Variants in THNSL1 observed in about 807,000 individuals in gnomAD.
THNSL1 encodes threonine synthase-like 1.
THNSL1 carries 48 observed loss-of-function variants against 50.4 expected under a neutral mutation model. The ratio of observed to expected loss-of-function variants is 0.95; its 90% CI spans 0.76 to 1.21. The LOEUF is 1.21. Ranked by LOEUF, THNSL1 falls within the 50% of genes most tolerant of loss-of-function variation. THNSL1 has a pLI of 0.00. For synonymous variants in THNSL1, 309 were observed against 306.1 expected (o/e 1.01, Z -0.10); for missense variants, 896 against 871.7 (o/e 1.03, Z -0.35).
chr10:25,000,829 T>G, the THNSL1 span, among the ~76,000 whole-genome samples: 1 of 152,126 alleles, frequency 6.6e-6, no homozygotes, highest in Non-Finnish European at 1.5e-5. Flanking sequence ...TTTTTACATA[T>G]CCCCTTGCTC....
chr10:25,023,411 C>T lies in THNSL1; in HGVS notation c.188C>T (p.Pro63Leu), dbSNP rs1390783709. 9.9e-6 allele frequency: 16 copies of T among 1,614,142 alleles called. No individual in the cohort carries two copies. The South Asian group carries it at 1.6e-4, about 17-fold the overall frequency. ...VGDKNIILMGPPGAGKTTVGR... is the reference protein window; with the variant it reads ...VGDKNIILMGLPGAGKTTVGR... Reference sequence around the variant, plus strand: ...GACAAAAATATTATCCTGATGGGACCTCCTGGTGCTGGGAAAACAACAGTA... The same window carrying T: ...GACAAAAATATTATCCTGATGGGACTTCCTGGTGCTGGGAAAACAACAGTA... Residue 63 changes from proline to leucine, a missense_variant, in exon 3 of 3, where the codon CCT becomes CTT. Physicochemically the swap from Pro to Leu is moderately conservative, Grantham distance 98. Coordinates refer to ENST00000376356, the MANE Select transcript of THNSL1 (RefSeq NM_024838.5).
At chr10:24,990,405 C>G in the THNSL1 span, 1 of 1,552,910 alleles carries the variant, frequency 6.4e-7, no homozygotes, top group East Asian at 2.3e-5. Flanking sequence ...GATGGTACAC[C>G]TTTCTTTCAG....
chr10:25,013,081 T>G (rs1214392897), upstream of THNSL1, among the ~76,000 whole-genome samples: 1 of 152,148 alleles, frequency 6.6e-6, no homozygotes, highest in Admixed American at 6.5e-5. Flanking sequence ...CTGCACACAC[T>G]CTCTTTCCTG....
At chr10:24,989,585 C>T in the THNSL1 span, among the ~76,000 whole-genome samples, 2 of 152,276 alleles carry the variant, frequency 1.3e-5, no homozygotes, top group East Asian at 3.9e-4. Flanking sequence ...TACTCCACTG[C>T]AGATATTTTA....
At chr10:25,016,747 C>T (rs535222790) in intron 1 of THNSL1, 55 bp downstream of exon 1, 11 of 152,488 alleles carry the variant, frequency 7.2e-5, no homozygotes, top group African/African-American at 2.4e-4. Context: ...ACTGCTCCCC[C>T]ATTTCCTTTC....
chr10:24,969,564 A>G, the THNSL1 span, among the ~76,000 whole-genome samples: 1 of 152,220 alleles, frequency 6.6e-6, no homozygotes, highest in Middle Eastern at 3.2e-3. Flanking sequence ...AAAAATTCAC[A>G]GAGAGCAGTG....
At chr10:24,984,609 A>C in the THNSL1 span, 5 of 1,091,404 alleles carry the variant, frequency 4.6e-6, no homozygotes. Context: ...TTGCCTAAGC[A>C]TTCTGATTAA....
chr10:25,018,184 A>G lies in THNSL1; in HGVS notation c.-216+1492A>G, dbSNP rs555801829. ...GTATAGTTAGTTTACAGCCATGAGC[A>G]GGTTGTTAAATCATTTGGAAAAAAA... On this transcript the variant is annotated intron_variant, in intron 1 of 2. Transcript: ENST00000376356. 5.3e-5 allele frequency among the ~76,000 whole-genome samples: 8 copies of G among 152,356 alleles called. 1 individual carries two copies. In the South Asian group the frequency reaches 1.7e-3, roughly 32 times the overall value.
the THNSL1 span, among the ~76,000 whole-genome samples, chr10:24,981,291 A>G: frequency 6.6e-6 from 1 of 152,214 alleles, no homozygotes; most frequent in Non-Finnish European, 1.5e-5. Context: ...ACAACCTTGC[A>G]GACCTTTCTC....
chr10:25,025,087 GGA>G lies in THNSL1; in HGVS notation c.1868_1869del (p.Glu623ValfsTer6), dbSNP rs1564350874. 2.5e-6 allele frequency: 4 copies of G among 1,614,188 alleles called. No individual in the cohort carries two copies. The highest frequency in any genetic ancestry group is 3.4e-6 in the Non-Finnish European group (4 of 1,180,036). On this transcript the variant is annotated frameshift_variant, in exon 3 of 3. Coordinates refer to ENST00000376356, the MANE Select transcript of THNSL1 (RefSeq NM_024838.5). LOFTEE classifies it high-confidence loss of function. Reference protein sequence around the residue: ...QDFVADWCSEGECLAAINSTY... With the variant: ...QDFVADWCSEXECLAAINSTY... ...TTTTGTAGCTGACTGGTGCTCTGAGGGAGAGTGCCTAGCAGCTATTAACTCCA... is the reference window on the plus strand; with the variant it reads ...TTTTGTAGCTGACTGGTGCTCTGAGGGAGTGCCTAGCAGCTATTAACTCCA...
the THNSL1 span, among the ~76,000 whole-genome samples, chr10:24,964,614 A>G: frequency 6.6e-6 from 1 of 152,240 alleles, no homozygotes; most frequent in Non-Finnish European, 1.5e-5. Flanking sequence ...GACGTCCAAG[A>G]TTCATTGATA....
At chr10:24,974,280 A>T in the THNSL1 span, among the ~76,000 whole-genome samples, 5,719 of 128,154 alleles carry the variant, frequency 0.045, 147 homozygotes, top group Non-Finnish European at 0.06. Flanking sequence ...TGTGATTTTT[A>T]AAAAAAAATC....
the THNSL1 span, among the ~76,000 whole-genome samples, chr10:24,996,138 G>T: frequency 3.3e-5 from 5 of 152,278 alleles, no homozygotes; most frequent in African/African-American, 1.2e-4. Context: ...TAAATTAAGG[G>T]CAACATAATC....
the THNSL1 span, among the ~76,000 whole-genome samples, chr10:25,006,327 A>G: frequency 6.6e-6 from 1 of 152,080 alleles, no homozygotes; most frequent in Non-Finnish European, 1.5e-5. Flanking sequence ...TATTACACAC[A>G]TGGTCTCCTC....
the THNSL1 span, among the ~76,000 whole-genome samples, chr10:24,978,281 T>G: frequency 6.7e-6 from 1 of 148,788 alleles, no homozygotes; most frequent in Non-Finnish European, 1.5e-5. Flanking sequence ...GAACACATAG[T>G]TTTTTTTTTG....
At chr10:24,992,813 G>C in the THNSL1 span, among the ~76,000 whole-genome samples, 35 of 152,302 alleles carry the variant, frequency 2.3e-4, no homozygotes, top group African/African-American at 7.9e-4. Context: ...AAGCTGCAGA[G>C]GACAATACAA....
At chr10:25,015,065 G>C (rs978749354), upstream of THNSL1, among the ~76,000 whole-genome samples, 3 of 152,182 alleles carry the variant, frequency 2.0e-5, no homozygotes, top group African/African-American at 7.2e-5. Context: ...GATGGTAAAA[G>C]ACAGGAAACA....
At chr10:24,957,387 T>A in the THNSL1 span, among the ~76,000 whole-genome samples, 1 of 152,244 alleles carries the variant, frequency 6.6e-6, no homozygotes, top group Non-Finnish European at 1.5e-5. Context: ...ACCAATGTCA[T>A]GAAGTGTTTC....
chr10:24,984,471 A>G, the THNSL1 span: 12 of 1,371,712 alleles, frequency 8.7e-6, no homozygotes, highest in Non-Finnish European at 1.2e-5. Context: ...GTACATAATA[A>G]TAATGAATTA....
Sources: gnomAD v4.1 joint callset for allele counts (sites outside exome capture counted in the v4.1 genomes callset) on GRCh38, gnomAD v4.1.1 for gene constraint, MANE v1.5 for transcripts, NCBI Gene and HGNC (gene_info 2026-07-23, HGNC 2026-07-21) for gene names.